The following LYPD6B variants were observed in gnomAD, a reference collection of about 807,000 sequenced individuals.
LYPD6B encodes the protein ly6/PLAUR domain-containing protein 6B.
A neutral mutation model predicts 22.8 loss-of-function variants in LYPD6B; 17 were observed. That is an observed-to-expected ratio of 0.75 (90% confidence interval 0.51 to 1.12). The LOEUF is 1.12. Ranked by LOEUF, LYPD6B falls within the 50% of genes most tolerant of loss-of-function variation. The probability of loss-of-function intolerance (pLI) is 0.00; values close to 1 mark genes in which losing one functional copy is unlikely to be tolerated. For synonymous variants in LYPD6B, 106 were observed against 91.6 expected, an observed-to-expected ratio of 1.16 and a Z score of -0.90; for missense variants, 221 against 258.3, an observed-to-expected ratio of 0.86 and a Z score of 0.99.
At chr2:149,156,564 A>C (rs1024893600) in intron 2 of LYPD6B, among the ~76,000 whole-genome samples, 1 of 152,194 alleles carries the variant, frequency 6.6e-6, no homozygotes. Flanking sequence ...GCCTGTCTGC[A>C]TAGCCTGTGG....
rs551388821 is a variant in LYPD6B, at chr2:149,065,498, C to G, written c.-67+26697C>G. On this transcript the variant is annotated intron_variant, in intron 1 of 6. Transcript: ENST00000409642. ...GAAGGTGGAATCTTCAGTTCACTTT[C>G]TCTTCTGCCCAATCTAGAGTAAGCG... Among the ~76,000 whole-genome samples the G allele has an allele frequency of 2.6e-5, 4 of 152,340 alleles. 1 individual carries two copies. The South Asian group carries it at 8.3e-4, about 32-fold the overall frequency.
chr2:149,102,613 G>A (rs1686267228), intron 1 of LYPD6B, among the ~76,000 whole-genome samples: 1 of 151,982 alleles, frequency 6.6e-6, no homozygotes, highest in Admixed American at 6.6e-5. Flanking sequence ...TTTCTGCAAG[G>A]AAGAGTTTGT....
At chr2:149,212,399 A>G (rs958155182) in intron 5 of LYPD6B, among the ~76,000 whole-genome samples, 3 of 150,894 alleles carry the variant, frequency 2.0e-5, no homozygotes, top group Admixed American at 6.6e-5. Flanking sequence ...AAAAAAAAAA[A>G]AAAAAGAAAT....
chr2:149,123,893 T>C (rs553081617), intron 1 of LYPD6B, among the ~76,000 whole-genome samples: 1 of 152,312 alleles, frequency 6.6e-6, no homozygotes, highest in South Asian at 2.1e-4. Flanking sequence ...TTAAAAATGC[T>C]GTAAAAGACC....
intron 1 of LYPD6B, among the ~76,000 whole-genome samples, chr2:149,093,867 C>T (rs1685781331): frequency 6.6e-6 from 1 of 152,112 alleles, no homozygotes; most frequent in South Asian, 2.1e-4. Context: ...GCTCTTCTAC[C>T]AGTTTGGTGA....
intron 3 of LYPD6B, among the ~76,000 whole-genome samples, chr2:149,163,501 G>C (rs1291447440): frequency 6.6e-6 from 1 of 152,144 alleles, no homozygotes; most frequent in African/African-American, 2.4e-5. Flanking sequence ...AGAACCTTTA[G>C]CATCATGGCT....
intron 3 of LYPD6B, among the ~76,000 whole-genome samples, chr2:149,178,967 C>T (rs73963735): frequency 0.014 from 2,162 of 152,278 alleles, 46 homozygotes; most frequent in African/African-American, 0.049. Context: ...CTACTACCGT[C>T]GTCATGAGAT....
chr2:149,208,461 T>A, intron 5 of LYPD6B, 49 bp downstream of exon 5: 1 of 1,385,732 alleles, frequency 7.2e-7, no homozygotes, highest in Non-Finnish European at 1.0e-6. Context: ...TTCATTTGAA[T>A]CTCTCCTGAC....
rs149160060 is a variant in LYPD6B, at chr2:149,089,197, T to C, written c.-66-41686T>C. On this transcript the variant is annotated intron_variant, in intron 1 of 6. Transcript: ENST00000409642. Reference sequence around the variant, plus strand: ...TGACATGTGGTGGAACATGAAAGAGTGTTTCAAACATGGATGAACATTCCA... The same window carrying C: ...TGACATGTGGTGGAACATGAAAGAGCGTTTCAAACATGGATGAACATTCCA... 1.1e-3 allele frequency among the ~76,000 whole-genome samples: 162 copies of C among 152,258 alleles called. 1 individual carries two copies. Among genetic ancestry groups the C allele is most frequent in the African/African-American group, 3.9e-3 (161 of 41,552 alleles).
At chr2:149,155,845 T>G (rs1310830351) in intron 2 of LYPD6B, among the ~76,000 whole-genome samples, 3 of 152,226 alleles carry the variant, frequency 2.0e-5, no homozygotes, top group African/African-American at 7.2e-5. Context: ...CTCTCAGCAC[T>G]AACAAAGGAC....
chr2:149,044,466 G>A (rs1683220509), intron 1 of LYPD6B, among the ~76,000 whole-genome samples: 1 of 152,020 alleles, frequency 6.6e-6, no homozygotes, highest in Non-Finnish European at 1.5e-5. Flanking sequence ...TTACTCATCT[G>A]TTTTAGGTGG....
At chr2:149,199,128 A>C (rs1693004183) in intron 3 of LYPD6B, among the ~76,000 whole-genome samples, 1 of 152,218 alleles carries the variant, frequency 6.6e-6, no homozygotes, top group African/African-American at 2.4e-5. Context: ...AAATGCGGGA[A>C]GCAGGCACCT....
chr2:149,107,461 G>C (rs2105517291), intron 1 of LYPD6B, among the ~76,000 whole-genome samples: 1 of 152,302 alleles, frequency 6.6e-6, no homozygotes, highest in South Asian at 2.1e-4. Context: ...TGAAACTACA[G>C]AAAGTGAACC....
At chr2:149,164,947 A>G (rs1022029120) in intron 3 of LYPD6B, among the ~76,000 whole-genome samples, 2 of 152,164 alleles carry the variant, frequency 1.3e-5, no homozygotes, top group Non-Finnish European at 2.9e-5. Context: ...CAGCTGTTTA[A>G]TTTGCTCATG....
At chr2:149,161,810 G>A (rs1343017984) in intron 3 of LYPD6B, among the ~76,000 whole-genome samples, 1 of 152,184 alleles carries the variant, frequency 6.6e-6, no homozygotes. Flanking sequence ...TGAATTATTA[G>A]CACCTGTGTT....
At chr2:149,160,394 T>G (rs1430698065) in intron 2 of LYPD6B, 1 of 460,440 alleles carries the variant, frequency 2.2e-6, no homozygotes, top group African/African-American at 2.0e-5. Flanking sequence ...TGCTACGGCC[T>G]GCCAAATACC....
At chr2:149,174,632 TGA>T (rs1389377842) in intron 3 of LYPD6B, among the ~76,000 whole-genome samples, 1 of 152,168 alleles carries the variant, frequency 6.6e-6, no homozygotes, top group Non-Finnish European at 1.5e-5. Context: ...CTGCATCTAT[TGA>T]GATAACCATG....
At chr2:149,154,183 TC>T (rs1410618594) in intron 2 of LYPD6B, 1 of 142,912 alleles carries the variant, frequency 7.0e-6, no homozygotes, top group Non-Finnish European at 1.2e-5. Flanking sequence ...TAATTAAGAA[TC>T]TCAGGATGAG....
rs193189691 is a variant in LYPD6B at position 149,108,254 on chromosome 2, C to T, written c.-66-22629C>T. 3.2e-4 allele frequency among the ~76,000 whole-genome samples: 49 copies of T among 152,302 alleles called. No homozygotes were observed. In the East Asian group the frequency reaches 6.0e-3, roughly 19 times the overall value. Reference sequence around the variant, plus strand: ...CATGATTGTAAGGCTCCCCCAGCCACGTGGAACTGTAAGTCCATTAAACCT... The same window carrying T: ...CATGATTGTAAGGCTCCCCCAGCCATGTGGAACTGTAAGTCCATTAAACCT... On this transcript the variant is annotated intron_variant, in intron 1 of 6. Coordinates refer to ENST00000409642, the MANE Select transcript of LYPD6B (RefSeq NM_177964.5).
Sources: gnomAD v4.1 joint callset for allele counts (sites outside exome capture counted in the v4.1 genomes callset) on GRCh38, gnomAD v4.1.1 for gene constraint, MANE v1.5 for transcripts, NCBI Gene and HGNC (gene_info 2026-07-23, HGNC 2026-07-21) for gene names.